Variants in HRH1 observed in about 807,000 individuals in gnomAD.
HRH1 encodes histamine receptor H1, also known as histamine H1 receptor.
Under a neutral mutation model 10.3 loss-of-function variants are expected in HRH1, and 6 were observed. That is an observed-to-expected ratio of 0.58 (90% CI 0.32 to 1.15). HRH1 has a LOEUF of 1.15. HRH1 is among the 50% of genes most tolerant of loss of function. The pLI, the probability that HRH1 is intolerant of heterozygous loss-of-function variation, is 0.05. For synonymous variants in HRH1, 242 were observed against 236.7 expected (o/e 1.02, Z -0.21); for missense variants, 514 against 615.3 (o/e 0.84, Z 1.74).
intron 1 of HRH1, among the ~76,000 whole-genome samples, chr3:11,193,320 A>C (rs6795611): frequency 0.3 from 46,372 of 152,138 alleles, 7,626 homozygotes; most frequent in African/African-American, 0.4. Context: ...CAGTAAATTA[A>C]AAACTATTAA....
At chr3:11,149,062 A>G (rs1936536487) in intron 1 of HRH1, among the ~76,000 whole-genome samples, 1 of 152,162 alleles carries the variant, frequency 6.6e-6, no homozygotes, top group South Asian at 2.1e-4. Flanking sequence ...TGTGGTCAAT[A>G]GCACGGTTCT....
At chr3:11,164,425 C>G (rs145247022) in intron 1 of HRH1, among the ~76,000 whole-genome samples, 2 of 152,308 alleles carry the variant, frequency 1.3e-5, no homozygotes, top group African/African-American at 4.8e-5. Flanking sequence ...TTCCATGACA[C>G]TGTGCACTCA....
At chr3:11,204,164 A>G (rs1938033128) in intron 1 of HRH1, among the ~76,000 whole-genome samples, 1 of 152,188 alleles carries the variant, frequency 6.6e-6, no homozygotes, top group Non-Finnish European at 1.5e-5. Flanking sequence ...GGATGTTCAT[A>G]TCCATCCATT....
In HRH1 at chr3:11,221,596, G is replaced by A. The variant is rs377250308; in HGVS notation, c.-35-37407G>A. The stretch of plus-strand genomic sequence containing the variant: ...ATATATATATATCCATAATACTTAC[G>A]AGTTTAACCATTTTATATGCACGGT... On this transcript the variant is annotated intron_variant, in intron 1 of 1. Coordinates refer to ENST00000431010, the MANE Select transcript of HRH1 (RefSeq NM_001098212.2). 3.6e-4 allele frequency among the ~76,000 whole-genome samples: 55 copies of A among 151,344 alleles called. 1 individual carries two copies. The highest frequency in any genetic ancestry group is 9.5e-4 in the African/African-American group (39 of 41,150).
chr3:11,172,586 C>T lies in HRH1; in HGVS notation c.-36+18032C>T, dbSNP rs561756338. On this transcript the variant is annotated intron_variant, in intron 1 of 1. Coordinates refer to ENST00000431010, the MANE Select transcript of HRH1 (RefSeq NM_001098212.2). ...ATCTCGACCTCTCCTGGGAACCCCT[C>T]CTCATGCTTACACCAGCCCCTGGGA... Among the ~76,000 whole-genome samples, 3 of 152,284 alleles carry T rather than the reference C, an allele frequency of 2.0e-5. No individual in the cohort carries two copies. The South Asian group carries it at 6.2e-4, about 32-fold the overall frequency.
rs370606152 is a variant in HRH1, at chr3:11,214,598, G to GTCAT, written c.-35-44381_-35-44378dup. On this transcript the variant is annotated intron_variant, in intron 1 of 1. Coordinates refer to ENST00000431010, the MANE Select transcript of HRH1 (RefSeq NM_001098212.2). ...TTTGGAAAGCAGGAGACCATGCATT[G>GTCAT]TCATTCATTCATTCATTCATTCATT... is the stretch of plus-strand genomic sequence containing the variant. Among the ~76,000 whole-genome samples the GTCAT allele has an allele frequency of 7.2e-3, 1,098 of 152,288 alleles. 12 individuals carry two copies. The highest frequency in any genetic ancestry group is 0.011 in the Non-Finnish European group (770 of 68,026).
chr3:11,178,890 G>A (rs1442563031), intron 1 of HRH1, among the ~76,000 whole-genome samples: 1 of 152,194 alleles, frequency 6.6e-6, no homozygotes, highest in African/African-American at 2.4e-5. Context: ...CCTTGTAACT[G>A]TGAGTTAGGA....
At chr3:11,139,736 AT>A (rs902763312) in intron 1 of HRH1, among the ~76,000 whole-genome samples, 4 of 152,266 alleles carry the variant, frequency 2.6e-5, no homozygotes, top group African/African-American at 9.6e-5. Flanking sequence ...AAAAGTTTTA[AT>A]GCCAAATGAA....
chr3:11,144,580 G>A (rs188400209), intron 1 of HRH1, among the ~76,000 whole-genome samples: 51 of 147,866 alleles, frequency 3.4e-4, no homozygotes, highest in African/African-American at 1.2e-3. Flanking sequence ...ACTTCAAGCT[G>A]GAACCAGAAG....
intron 1 of HRH1, among the ~76,000 whole-genome samples, chr3:11,140,936 G>A (rs1936279889): frequency 6.6e-6 from 1 of 152,166 alleles, no homozygotes. Flanking sequence ...CACACATTAT[G>A]CATAAGCATC....
chr3:11,144,494 C>CATATAG (rs1936386729), intron 1 of HRH1, among the ~76,000 whole-genome samples: 2 of 4,536 alleles, frequency 4.4e-4, no homozygotes, highest in African/African-American at 2.0e-3. Flanking sequence ...CACACACACA[C>CATATAG]ACGCCACACA....
At chr3:11,208,458 G>GT (rs1575013223) in intron 1 of HRH1, among the ~76,000 whole-genome samples, 3 of 152,120 alleles carry the variant, frequency 2.0e-5, no homozygotes, top group East Asian at 3.9e-4. Flanking sequence ...GGCCACTCTA[G>GT]TTTTTTGTTT....
intron 1 of HRH1, among the ~76,000 whole-genome samples, chr3:11,176,896 C>T (rs1243231829): frequency 6.6e-5 from 10 of 151,904 alleles, no homozygotes; most frequent in Non-Finnish European, 1.3e-4. Flanking sequence ...AGTTTGAGAC[C>T]GGCCTGGCCA....
intron 1 of HRH1, among the ~76,000 whole-genome samples, chr3:11,194,566 G>A (rs1196888487): frequency 6.6e-6 from 1 of 152,138 alleles, no homozygotes; most frequent in Non-Finnish European, 1.5e-5. Context: ...GTTGGCTCAC[G>A]CCTGTAATCC....
At chr3:11,204,297 G>A (rs1434012379) in intron 1 of HRH1, among the ~76,000 whole-genome samples, 1 of 152,116 alleles carries the variant, frequency 6.6e-6, no homozygotes, top group African/African-American at 2.4e-5. Flanking sequence ...GAGAGAGAGG[G>A]ACACATATTA....
chr3:11,218,976 C>T (rs557204913), intron 1 of HRH1, among the ~76,000 whole-genome samples: 10 of 152,254 alleles, frequency 6.6e-5, no homozygotes, highest in Middle Eastern at 3.4e-3. Context: ...CTGCAACCTC[C>T]ACCTCCTAGG....
chr3:11,244,430 G>A (rs1444626810), intron 1 of HRH1, among the ~76,000 whole-genome samples: 1 of 152,192 alleles, frequency 6.6e-6, no homozygotes, highest in Non-Finnish European at 1.5e-5. Context: ...ACTATTAGCA[G>A]CTTCCACCAC....
chr3:11,246,067 C>T (rs1446831912), intron 1 of HRH1, among the ~76,000 whole-genome samples: 1 of 151,684 alleles, frequency 6.6e-6, no homozygotes, highest in Non-Finnish European at 1.5e-5. Flanking sequence ...CACACAGACT[C>T]TCACACACAA....
At chr3:11,162,533 C>G (rs528509774) in intron 1 of HRH1, among the ~76,000 whole-genome samples, 6 of 127,502 alleles carry the variant, frequency 4.7e-5, no homozygotes, top group Non-Finnish European at 6.6e-5. Flanking sequence ...TTTGTGATGT[C>G]ACCCAGTCCT....
Sources: gnomAD v4.1 joint callset for allele counts (sites outside exome capture counted in the v4.1 genomes callset) on GRCh38, gnomAD v4.1.1 for gene constraint, MANE v1.5 for transcripts, NCBI Gene and HGNC (gene_info 2026-07-23, HGNC 2026-07-21) for gene names.